RGS6: variants seen among roughly 807,000 people sequenced by gnomAD.
RGS6 encodes regulator of G-protein signaling 6.
In RGS6, 30 loss-of-function variants were observed where a neutral mutation model predicts 78.5. The ratio of observed to expected loss-of-function variants is 0.38; its 90% CI spans 0.29 to 0.52. The LOEUF is 0.52. Ranked by LOEUF, RGS6 falls within the 20% of genes least tolerant of loss-of-function variation. RGS6 has a pLI of 0.85. For synonymous variants in RGS6, 206 were observed against 206.0 expected (o/e 1.00, Z 0.00); for missense variants, 495 against 609.7 (o/e 0.81, Z 1.98).
At chr14:72,004,761 G>A (rs1215902797) in intron 2 of RGS6, among the ~76,000 whole-genome samples, 1 of 152,192 alleles carries the variant, frequency 6.6e-6, no homozygotes, top group Non-Finnish European at 1.5e-5. Context: ...AGGAGGTGGA[G>A]CTTGCAGTGA....
intron 2 of RGS6, among the ~76,000 whole-genome samples, chr14:72,082,568 C>T (rs951198459): frequency 6.6e-6 from 1 of 151,978 alleles, no homozygotes; most frequent in Admixed American, 6.6e-5. Context: ...GGCAGATATA[C>T]TAATTACCCT....
the RGS6 span, among the ~76,000 whole-genome samples, chr14:72,597,133 G>A: frequency 5.3e-5 from 8 of 152,062 alleles, no homozygotes; most frequent in Non-Finnish European, 1.2e-4. Flanking sequence ...CAGGTACTCA[G>A]GAGGCTGAGG....
At chr14:72,508,671 T>G (rs144423084) in intron 13 of RGS6, among the ~76,000 whole-genome samples, 1 of 151,390 alleles carries the variant, frequency 6.6e-6, no homozygotes, top group African/African-American at 2.4e-5. Flanking sequence ...TCTTACTGTC[T>G]GTTGGAAATA....
intron 3 of RGS6, among the ~76,000 whole-genome samples, chr14:72,376,892 A>T (rs1466977331): frequency 3.9e-5 from 6 of 152,210 alleles, no homozygotes; most frequent in African/African-American, 7.2e-5. Context: ...ATGCAGAACT[A>T]TAAAACTTAT....
chr14:72,543,617 C>T (rs185884126), intron 17 of RGS6, among the ~76,000 whole-genome samples: 57 of 152,348 alleles, frequency 3.7e-4, no homozygotes, highest in Non-Finnish European at 5.9e-4. Flanking sequence ...GAGGTGCCTT[C>T]TCTCACTGAA....
intron 15 of RGS6, among the ~76,000 whole-genome samples, chr14:72,519,386 A>G (rs1278337277): frequency 6.6e-6 from 1 of 152,054 alleles, no homozygotes; most frequent in African/African-American, 2.4e-5. Context: ...TATCTCCTTG[A>G]CCCCACTTAC....
At chr14:72,065,266 C>G (rs1386342757) in intron 2 of RGS6, among the ~76,000 whole-genome samples, 1 of 152,182 alleles carries the variant, frequency 6.6e-6, no homozygotes, top group East Asian at 1.9e-4. Flanking sequence ...CAGTGGGGAA[C>G]AGGGTTACAA....
At chr14:71,918,546 T>G in the RGS6 span, among the ~76,000 whole-genome samples, 5 of 152,340 alleles carry the variant, frequency 3.3e-5, no homozygotes, top group African/African-American at 1.2e-4. Context: ...ATTGTTTACT[T>G]CATTAATTGA....
chr14:72,418,379 C>G (rs1164070141), intron 3 of RGS6, among the ~76,000 whole-genome samples: 1 of 152,256 alleles, frequency 6.6e-6, no homozygotes, highest in South Asian at 2.1e-4. Context: ...GCTAGCCAGA[C>G]TGGTCTCAAA....
chr14:72,100,866 A>C (rs1256445976), intron 2 of RGS6, among the ~76,000 whole-genome samples: 1 of 152,226 alleles, frequency 6.6e-6, no homozygotes, highest in African/African-American at 2.4e-5. Flanking sequence ...GACATTTAAA[A>C]ATGTATGTTC....
chr14:72,220,147 A>G (rs2046521999), intron 2 of RGS6, among the ~76,000 whole-genome samples: 1 of 152,260 alleles, frequency 6.6e-6, no homozygotes, highest in Non-Finnish European at 1.5e-5. Flanking sequence ...TACAAAAAGA[A>G]TAAAATATCT....
At chr14:72,259,827 C>T (rs1028668472) in intron 2 of RGS6, among the ~76,000 whole-genome samples, 4 of 143,764 alleles carry the variant, frequency 2.8e-5, no homozygotes, top group South Asian at 2.3e-4. Flanking sequence ...CGGAGAATGG[C>T]GTGAACCCGG....
chr14:72,629,180 T>C, the RGS6 span, among the ~76,000 whole-genome samples: 2 of 152,196 alleles, frequency 1.3e-5, no homozygotes, highest in Admixed American at 6.5e-5. Flanking sequence ...ATGAAGTAGT[T>C]ACAGGTAAAA....
intron 2 of RGS6, among the ~76,000 whole-genome samples, chr14:72,029,476 C>T (rs1178888632): frequency 6.6e-6 from 1 of 152,188 alleles, no homozygotes; most frequent in African/African-American, 2.4e-5. Flanking sequence ...AAAGTTCCCT[C>T]CGTGTATTCT....
At chr14:72,412,403 A>G (rs1443970218) in intron 3 of RGS6, among the ~76,000 whole-genome samples, 2 of 152,144 alleles carry the variant, frequency 1.3e-5, no homozygotes, top group South Asian at 2.1e-4. Context: ...CTGTGGGATC[A>G]GTGGTGATAT....
At chr14:72,195,326 A>C (rs191822022) in intron 2 of RGS6, among the ~76,000 whole-genome samples, 1 of 152,240 alleles carries the variant, frequency 6.6e-6, no homozygotes, top group African/African-American at 2.4e-5. Flanking sequence ...GCTGTCTCTT[A>C]GTGACAATAC....
chr14:72,594,975 A>G, the RGS6 span: 13 of 152,204 alleles, frequency 8.5e-5, no homozygotes, highest in Admixed American at 8.5e-4. Context: ...GCTAGTGGTC[A>G]TGCTTGAAAG....
At chr14:72,022,026 T>C (rs567524548) in intron 2 of RGS6, among the ~76,000 whole-genome samples, 364 of 152,272 alleles carry the variant, frequency 2.4e-3, no homozygotes, top group African/African-American at 8.4e-3. Context: ...ACATGCGGTA[T>C]TTGGTTTTCT....
At chr14:72,242,749 T>C (rs1272684803) in intron 2 of RGS6, among the ~76,000 whole-genome samples, 1 of 152,024 alleles carries the variant, frequency 6.6e-6, no homozygotes, top group African/African-American at 2.4e-5. Context: ...TGGTCACTAC[T>C]GTATGGACAA....
Sources: allele counts gnomAD v4.1 joint callset (sites outside exome capture counted in the v4.1 genomes callset), GRCh38; gene constraint gnomAD v4.1.1; transcripts MANE v1.5; gene names NCBI Gene and HGNC (gene_info 2026-07-23, HGNC 2026-07-21).